Variants in NCAM2 observed in about 807,000 individuals in gnomAD.
NCAM2 encodes N-CAM-2.
NCAM2 carries 30 observed loss-of-function variants against 98.1 expected under a neutral mutation model. That is an observed-to-expected ratio of 0.31 (90% CI 0.23 to 0.41). The LOEUF is 0.41. Ranked by LOEUF, NCAM2 falls within the 10% of genes least tolerant of loss-of-function variation. The probability of loss-of-function intolerance (pLI) is 1.00; values close to 1 mark genes in which losing one functional copy is unlikely to be tolerated. For missense variants in NCAM2, 867 were observed against 1,005.8 expected (o/e 0.86, Z 1.87); for synonymous variants, 368 against 342.4 (o/e 1.07, Z -0.83).
chr21:21,017,418 C>CT (rs1016244287), intron 1 of NCAM2, among the ~76,000 whole-genome samples: 2 of 71,930 alleles, frequency 2.8e-5, no homozygotes, highest in African/African-American at 1.2e-4. Context: ...GAGTGAGACT[C>CT]TGTCTCAAAA....
intron 16 of NCAM2, among the ~76,000 whole-genome samples, chr21:21,530,285 T>G (rs969787498): frequency 8.2e-6 from 1 of 121,578 alleles, no homozygotes; most frequent in African/African-American, 3.2e-5. Flanking sequence ...TAATTTAATT[T>G]AATTATATAT....
chr21:21,419,170 C>G (rs2077055534), intron 11 of NCAM2, among the ~76,000 whole-genome samples: 1 of 152,012 alleles, frequency 6.6e-6, no homozygotes, highest in Non-Finnish European at 1.5e-5. Context: ...GAATGAATCA[C>G]TTTTAAAAAC....
At chr21:21,378,173 G>T (rs1214548464) in intron 9 of NCAM2, among the ~76,000 whole-genome samples, 1 of 94,274 alleles carries the variant, frequency 1.1e-5, no homozygotes, top group African/African-American at 3.8e-5. Flanking sequence ...ACCAGGTACA[G>T]ACTTTTTTTT....
At chr21:21,169,984 G>C (rs1441243811) in intron 1 of NCAM2, among the ~76,000 whole-genome samples, 2 of 151,842 alleles carry the variant, frequency 1.3e-5, no homozygotes, top group Non-Finnish European at 2.9e-5. Flanking sequence ...TATACAGACA[G>C]CAAATAAGCA....
intron 1 of NCAM2, among the ~76,000 whole-genome samples, chr21:21,052,529 A>G (rs2065131397): frequency 6.6e-6 from 1 of 151,914 alleles, no homozygotes; most frequent in African/African-American, 2.4e-5. Flanking sequence ...AGATTCCCCA[A>G]ATCTTAGGCT....
chr21:21,288,134 A>C (rs1438982331), intron 4 of NCAM2, among the ~76,000 whole-genome samples: 2 of 151,946 alleles, frequency 1.3e-5, no homozygotes, highest in Admixed American at 6.6e-5. Flanking sequence ...ATACAACATA[A>C]AGACTATGTA....
At chr21:21,491,429 C>T (rs932249078) in intron 15 of NCAM2, among the ~76,000 whole-genome samples, 2 of 151,540 alleles carry the variant, frequency 1.3e-5, no homozygotes, top group Non-Finnish European at 3.0e-5. Flanking sequence ...GTTTTGGGCA[C>T]CAAATGAATA....
chr21:21,494,892 A>C (rs1379244963), intron 15 of NCAM2, among the ~76,000 whole-genome samples: 1 of 57,648 alleles, frequency 1.7e-5, no homozygotes, highest in Non-Finnish European at 3.6e-5. Flanking sequence ...TTATGTATGA[A>C]TTTGTTTTTA....
intron 1 of NCAM2, among the ~76,000 whole-genome samples, chr21:21,006,940 A>G (rs2064123511): frequency 1.3e-5 from 2 of 152,196 alleles, no homozygotes; most frequent in Admixed American, 1.3e-4. Flanking sequence ...AGATTTAACT[A>G]TGCTAGTATT....
intron 1 of NCAM2, among the ~76,000 whole-genome samples, chr21:21,094,995 T>A (rs1430764389): frequency 6.6e-6 from 1 of 151,786 alleles, no homozygotes; most frequent in Non-Finnish European, 1.5e-5. Context: ...TTAGTTAGCT[T>A]TCTCTATATA....
chr21:21,049,836 A>C lies in NCAM2; in HGVS notation c.55+51218A>C, dbSNP rs190426700. On this transcript the variant is annotated intron_variant, in intron 1 of 17. Transcript: ENST00000400546. ...CAGTGAGCCAAGATTGCGCCATTGCACTCCAGCCTGGGCAAAAAGAGTGAA... is the reference window on the plus strand; with the variant it reads ...CAGTGAGCCAAGATTGCGCCATTGCCCTCCAGCCTGGGCAAAAAGAGTGAA... Among the ~76,000 whole-genome samples the C allele has an allele frequency of 9.6e-3, 1,458 of 151,738 alleles. 19 individuals are homozygous for C. Among genetic ancestry groups the C allele is most frequent in the African/African-American group, 0.034 (1,401 of 41,378 alleles).
At chr21:21,113,412 C>T (rs918923915) in intron 1 of NCAM2, among the ~76,000 whole-genome samples, 2 of 152,094 alleles carry the variant, frequency 1.3e-5, no homozygotes, top group African/African-American at 2.4e-5. Flanking sequence ...AAGCACTTAA[C>T]GGTGCACTAT....
intron 9 of NCAM2, among the ~76,000 whole-genome samples, chr21:21,385,913 T>A (rs1363121291): frequency 6.6e-6 from 1 of 152,150 alleles, no homozygotes; most frequent in African/African-American, 2.4e-5. Context: ...GAAATTTTCA[T>A]TTACTTTTTT....
intron 1 of NCAM2, among the ~76,000 whole-genome samples, chr21:21,058,391 A>G (rs1008057451): frequency 6.6e-6 from 1 of 152,084 alleles, no homozygotes; most frequent in Non-Finnish European, 1.5e-5. Flanking sequence ...GGTCACTTTG[A>G]ATATTGTCTA....
At position 21,335,561 on chromosome 21, in the gene NCAM2, A is replaced by T; in HGVS notation, c.794A>T (p.Glu265Val). 1 of 1,611,534 alleles carries T rather than the reference A, an allele frequency of 6.2e-7. No individual in the cohort carries two copies. Among genetic ancestry groups the T allele is most frequent in the Non-Finnish European group, 8.5e-7 (1 of 1,178,704 alleles). ...EKYILKGSNTELTVRNIINSD... is the reference protein window; with the variant it reads ...EKYILKGSNTVLTVRNIINSD... ...TACATATTGAAAGGGAGCAATACAG[A>T]ACTCACTGTCAGGAACATAATCAAT... The change falls in exon 7 of 18, where the codon GAA becomes GTA. Residue 265 changes from glutamate to valine, a missense_variant. Physicochemically the swap from Glu to Val is moderately radical, Grantham distance 121. Transcript: ENST00000400546.
intron 1 of NCAM2, among the ~76,000 whole-genome samples, chr21:21,151,143 A>G (rs556070345): frequency 1.3e-5 from 2 of 152,112 alleles, no homozygotes; most frequent in South Asian, 4.1e-4. Flanking sequence ...CAATTTAGAT[A>G]TATTTTTATT....
rs11325446 is a variant in NCAM2 at position 21,063,210 on chromosome 21, CTTTTTTTTTTTTTTT to C, written c.55+64606_55+64620del. 1.1e-4 allele frequency among the ~76,000 whole-genome samples: 7 copies of C among 66,052 alleles called. 1 individual carries two copies. Among genetic ancestry groups the C allele is most frequent in the Admixed American group, 2.7e-4 (1 of 3,770 alleles). The allele number at this position is 66,052 out of a possible 152,430, so 43.3% of individuals were successfully genotyped here. A position where few individuals can be genotyped will look rare whatever the true frequency, so the allele number is the denominator to read the frequency against. ...TCATAGCACTGTTTATCTTTACATT[CTTTTTTTTTTTTTTT>C]TTTTTTTTTTTTTGAGCCGGAGTCT... is the stretch of plus-strand genomic sequence containing the variant. On this transcript the variant is annotated intron_variant, in intron 1 of 17. Coordinates refer to ENST00000400546, the MANE Select transcript of NCAM2 (RefSeq NM_004540.5).
chr21:21,131,485 C>T (rs2066935113), intron 1 of NCAM2, among the ~76,000 whole-genome samples: 1 of 152,110 alleles, frequency 6.6e-6, no homozygotes, highest in Admixed American at 6.5e-5. Context: ...GTTGGTCAGG[C>T]TGGTCTCAAA....
chr21:21,112,188 T>TAAAACGG (rs1194990482), intron 1 of NCAM2, among the ~76,000 whole-genome samples: 3 of 152,160 alleles, frequency 2.0e-5, no homozygotes, highest in African/African-American at 7.2e-5. Context: ...GGCATAATAT[T>TAAAACGG]CTATAGTGAT....
Sources: gnomAD v4.1 joint callset for allele counts (sites outside exome capture counted in the v4.1 genomes callset) on GRCh38, gnomAD v4.1.1 for gene constraint, MANE v1.5 for transcripts, NCBI Gene and HGNC (gene_info 2026-07-23, HGNC 2026-07-21) for gene names.